Variants in RPAP1 observed in about 807,000 individuals in gnomAD.
RPAP1 encodes RNA polymerase II associated protein 1.
Under a neutral mutation model 142.4 loss-of-function variants are expected in RPAP1, and 109 were observed. The observed-to-expected ratio is 0.77, with a 90% CI of 0.66 to 0.90. The LOEUF is 0.90. Among genes scored for constraint, RPAP1 ranks in the 40% least tolerant of loss-of-function variants. The pLI, the probability that RPAP1 is intolerant of heterozygous loss-of-function variation, is 0.00. For synonymous variants in RPAP1, 704 were observed against 738.9 expected, an observed-to-expected ratio of 0.95 and a Z score of 0.77; for missense variants, 1,546 against 1,751.7, an observed-to-expected ratio of 0.88 and a Z score of 2.10.
Position 41,523,241 on chromosome 15 carries a change from A to T in RPAP1, c.2546+4T>A. 6.4e-7 allele frequency: 1 copy of T among 1,573,572 alleles called. No individual in the cohort carries two copies. The highest frequency in any genetic ancestry group is 8.6e-7 in the Non-Finnish European group (1 of 1,156,418). ...TTCCCCCAGCTACCAAACACAGTAC[A>T]TACCTAAGGGAATCCCACAGGCTGC... On this transcript the variant is annotated splice_donor_region_variant and intron_variant, in intron 18 of 24. Coordinates refer to ENST00000304330, the MANE Select transcript of RPAP1 (RefSeq NM_015540.4).
chr15:41,539,403 T>G (rs1298572985), intron 1 of RPAP1, among the ~76,000 whole-genome samples: 1 of 152,148 alleles, frequency 6.6e-6, no homozygotes, highest in African/African-American at 2.4e-5. Context: ...CAAGTGATTC[T>G]CCTGCCTCAG....
In RPAP1 at chr15:41,521,900, G is replaced by T; in HGVS notation, c.2896-20C>A. 1 of 1,612,658 alleles carries T rather than the reference G, an allele frequency of 6.2e-7. No individual in the cohort carries two copies. On this transcript the variant is annotated intron_variant, in intron 20 of 24. Transcript: ENST00000304330. ...CGCTGCCTGCAGACAGAAAAGCAGGGAACTACCTAGTACAGGAGAAGGGGA... is the reference window on the plus strand; with the variant it reads ...CGCTGCCTGCAGACAGAAAAGCAGGTAACTACCTAGTACAGGAGAAGGGGA...
intron 19 of RPAP1, chr15:41,522,554 C>T (rs2051738854): frequency 3.5e-6 from 2 of 564,408 alleles, no homozygotes; most frequent in African/African-American, 1.9e-5. Context: ...TCATGCCTGG[C>T]TAATTTTGTA....
intron 7 of RPAP1, among the ~76,000 whole-genome samples, chr15:41,530,783 A>G (rs776213700): frequency 8.5e-5 from 13 of 152,220 alleles, no homozygotes; most frequent in Non-Finnish European, 1.8e-4. Context: ...GCCATCACGC[A>G]TTGCTGCCTC....
chr15:41,531,176 A>G lies in RPAP1; in HGVS notation c.790T>C (p.Ser264Pro), dbSNP rs745456359. The G allele has an allele frequency of 1.2e-6, 2 of 1,612,598 alleles. No individual in the cohort carries two copies. Among genetic ancestry groups the G allele is most frequent in the South Asian group, 1.1e-5 (1 of 91,042 alleles). Residue 264 changes from serine to proline, a missense_variant, in exon 7 of 25, where the codon TCT becomes CCT. This residue lies in a region of RPAP1 where 1,333 missense variants were observed against 1,486.6 expected (regional missense o/e 0.90). Coordinates refer to ENST00000304330, the MANE Select transcript of RPAP1 (RefSeq NM_015540.4). The part of the protein sequence containing the change: ...LDPSLVAFLR[S>P]HSHTQEQTGE... ...GTTTGCTCTTGCGTGTGGCTGTGAGATCTCAAGAAAGCAACCAAGCTGGGG... is the reference window on the plus strand; with the variant it reads ...GTTTGCTCTTGCGTGTGGCTGTGAGGTCTCAAGAAAGCAACCAAGCTGGGG...
intron 1 of RPAP1, among the ~76,000 whole-genome samples, chr15:41,542,568 T>C (rs1480977050): frequency 2.6e-5 from 4 of 152,236 alleles, no homozygotes; most frequent in Admixed American, 1.3e-4. Context: ...CAGCGAAGTA[T>C]ACAGATGTGC....
At chr15:41,532,703 G>A (rs1457797971) in intron 6 of RPAP1, among the ~76,000 whole-genome samples, 1 of 152,000 alleles carries the variant, frequency 6.6e-6, no homozygotes, top group Non-Finnish European at 1.5e-5. Context: ...GCTGGGCACG[G>A]TGACCATCTC....
At chr15:41,543,196 C>G (rs1222013457) in intron 1 of RPAP1, among the ~76,000 whole-genome samples, 1 of 142,974 alleles carries the variant, frequency 7.0e-6, no homozygotes, top group Non-Finnish European at 1.5e-5. Context: ...ATTATCAATG[C>G]TGTCCTTTTT....
At chr15:41,521,227 GGA>G in intron 21 of RPAP1, 80 bp from the exon 22 acceptor site, 4 of 1,404,222 alleles carry the variant, frequency 2.8e-6, no homozygotes, top group Non-Finnish European at 3.8e-6. Flanking sequence ...GGAACTTCCT[GGA>G]GGCTCCTAGG....
intron 1 of RPAP1, among the ~76,000 whole-genome samples, chr15:41,538,282 C>T (rs1277109703): frequency 1.3e-5 from 2 of 152,088 alleles, no homozygotes; most frequent in East Asian, 3.9e-4. Context: ...GACAGGATCT[C>T]ACTCTGTCAC....
At chr15:41,524,473 CTT>C (rs397956859) in intron 15 of RPAP1, among the ~76,000 whole-genome samples, 45 of 127,918 alleles carry the variant, frequency 3.5e-4, no homozygotes, top group African/African-American at 7.3e-4. Context: ...GATACCAATG[CTT>C]TTTTTTTTTT....
chr15:41,541,849 A>C (rs2051975632), intron 1 of RPAP1, among the ~76,000 whole-genome samples: 1 of 151,588 alleles, frequency 6.6e-6, no homozygotes. Context: ...ACTCTGTCTC[A>C]AAAAAAAAGT....
In RPAP1 at chr15:41,523,828, T is replaced by C; in HGVS notation, c.2379A>G (p.Pro793=). The C allele has an allele frequency of 6.2e-7, 1 of 1,609,776 alleles. No homozygotes were observed. The highest frequency in any genetic ancestry group is 8.5e-7 in the Non-Finnish European group (1 of 1,178,182). Residue 793 remains proline (P), a synonymous_variant, in exon 17 of 25, where the codon CCA becomes CCG. Transcript: ENST00000304330. The part of the protein sequence containing the change: ...SRPEMWRAVG[P]VPVACLLFLG... ...GGAACAACAGGCAGGCAACGGGCAC[T>C]GGGCCCACGGCTCTCCACATCTCAG...
intron 1 of RPAP1, among the ~76,000 whole-genome samples, chr15:41,540,256 T>C (rs969822973): frequency 2.0e-5 from 3 of 152,034 alleles, no homozygotes; most frequent in African/African-American, 4.8e-5. Flanking sequence ...ACTTTTTCCA[T>C]ATTCATTCAT....
intron 6 of RPAP1, among the ~76,000 whole-genome samples, chr15:41,532,054 C>CCATA (rs2051857827): frequency 6.6e-6 from 1 of 150,516 alleles, no homozygotes; most frequent in South Asian, 2.1e-4. Context: ...CAGAGTCTCA[C>CCATA]TCTGTCGCCC....
intron 2 of RPAP1, 35 bp downstream of exon 2, chr15:41,536,910 C>G (rs756964013): frequency 3.1e-6 from 5 of 1,605,376 alleles, no homozygotes; most frequent in Non-Finnish European, 1.7e-6. Context: ...GCTGTACCCT[C>G]TCTACTTCTC....
At chr15:41,526,761 G>T in intron 14 of RPAP1, 137 bp downstream of exon 14, 1 of 887,058 alleles carries the variant, frequency 1.1e-6, no homozygotes, top group Non-Finnish European at 1.7e-6. Context: ...GGTGATTTCT[G>T]TTGCATTTCT....
intron 7 of RPAP1, 96 bp downstream of exon 7, chr15:41,530,927 C>T (rs1429131587): frequency 8.1e-7 from 1 of 1,241,374 alleles, no homozygotes; most frequent in Non-Finnish European, 1.1e-6. Context: ...TCCAAAAGCA[C>T]AGAAGCTTCT....
intron 21 of RPAP1, 101 bp from the exon 22 acceptor site, chr15:41,521,248 T>A (rs960589954): frequency 1.3e-5 from 15 of 1,162,490 alleles, no homozygotes; most frequent in Non-Finnish European, 1.8e-5. Context: ...GGTCCAGACC[T>A]GTGCCTCTCT....
Sources: allele counts gnomAD v4.1 joint callset (sites outside exome capture counted in the v4.1 genomes callset), GRCh38; gene constraint gnomAD v4.1.1; regional missense constraint gnomAD v4.1.1; transcripts MANE v1.5; gene names NCBI Gene and HGNC (gene_info 2026-07-23, HGNC 2026-07-21).